Variants in ZNF292 observed in about 807,000 individuals in gnomAD.
ZNF292 encodes zinc finger protein 292, also known as 16 zinc-finger domain protein.
ZNF292 carries 26 observed loss-of-function variants against 217.9 expected under a neutral mutation model. The observed-to-expected ratio is 0.12, with a 90% CI of 0.09 to 0.17. The LOEUF is 0.17. ZNF292 is among the 10% of genes least tolerant of loss of function. ZNF292 has a pLI of 1.00. For missense variants in ZNF292, 2,904 were observed against 3,175.2 expected (o/e 0.91, Z 2.05); for synonymous variants, 1,257 against 1,124.1 (o/e 1.12, Z -2.37).
chr6:87,248,843 A>G (rs1289921031), intron 7 of ZNF292, among the ~76,000 whole-genome samples: 1 of 152,200 alleles, frequency 6.6e-6, no homozygotes, highest in Non-Finnish European at 1.5e-5. Context: ...CACCACTCAT[A>G]AAGAGACCAT....
chr6:87,221,053 C>T (rs1368011096), intron 4 of ZNF292, among the ~76,000 whole-genome samples: 1 of 152,144 alleles, frequency 6.6e-6, no homozygotes, highest in African/African-American at 2.4e-5. Flanking sequence ...AGTATTTGAA[C>T]AGTGACTAAT....
At chr6:87,222,847 C>G (rs1269312825) in intron 4 of ZNF292, 2 of 452,680 alleles carry the variant, frequency 4.4e-6, no homozygotes, top group Non-Finnish European at 8.9e-6. Context: ...GTTTTTCAGA[C>G]TTTCCTTGTT....
chr6:87,206,697 A>G (rs146236056), intron 1 of ZNF292, among the ~76,000 whole-genome samples: 83 of 152,326 alleles, frequency 5.4e-4, no homozygotes, highest in Non-Finnish European at 9.7e-4. Context: ...TTTTAAATGC[A>G]GCCAGTTTTG....
chr6:87,157,192 CTG>C (rs1419320238), intron 1 of ZNF292, among the ~76,000 whole-genome samples: 1 of 152,008 alleles, frequency 6.6e-6, no homozygotes, highest in Non-Finnish European at 1.5e-5. Context: ...AAAACAAAAA[CTG>C]TGAGATCAAG....
chr6:87,226,672 TATAGATATATAGA>T (rs1373718216), intron 4 of ZNF292, among the ~76,000 whole-genome samples: 4 of 108,606 alleles, frequency 3.7e-5, no homozygotes, highest in African/African-American at 1.5e-4. Flanking sequence ...TATATAGATA[TATAGATATATAGA>T]TTTTTTTTTT....
In ZNF292 at chr6:87,257,950, A is replaced by G. The variant is rs1484693655; in HGVS notation, c.4321A>G (p.Thr1441Ala). Reference protein sequence around the residue: ...AVNLQQPQQSTFNPEACFKDP... With the variant: ...AVNLQQPQQSAFNPEACFKDP... ...AAATTTGCAGCAGCCACAACAATCT[A>G]CCTTCAATCCAGAAGCATGTTTTAA... is the stretch of plus-strand genomic sequence containing the variant. The change falls in exon 8 of 8, where the codon ACC becomes GCC. Residue 1441 changes from threonine (T) to alanine (A), a missense_variant. Thr to Ala is a moderately conservative substitution (Grantham distance 58, BLOSUM62 0). Transcript: ENST00000369577. The G allele has an allele frequency of 8.1e-6, 13 of 1,613,776 alleles. 1 individual carries two copies. Among genetic ancestry groups the G allele is most frequent in the South Asian group, 6.6e-5 (6 of 91,090 alleles).
chr6:87,258,746 T>C lies in ZNF292; in HGVS notation c.5117T>C (p.Phe1706Ser), dbSNP rs1301918381. ...QLFMTDVKEN[F>S]KTSLESHTVL... ...TTTATGACTGATGTAAAAGAGAATT[T>C]CAAAACCAGTCTTGAGTCCCATACA... Residue 1706 changes from phenylalanine to serine, a missense_variant, in exon 8 of 8, where the codon TTC (phenylalanine) becomes TCC (serine). This residue lies in a region of ZNF292 where 622 missense variants were observed against 573.1 expected (regional missense o/e 1.09). Coordinates refer to ENST00000369577, the MANE Select transcript of ZNF292 (RefSeq NM_015021.3). 23 of 1,613,340 alleles carry C rather than the reference T, an allele frequency of 1.4e-5. No individual in the cohort carries two copies. Among genetic ancestry groups the C allele is most frequent in the Non-Finnish European group, 1.9e-5 (22 of 1,179,690 alleles).
At chr6:87,219,276 A>G (rs1772953952) in intron 4 of ZNF292, among the ~76,000 whole-genome samples, 1 of 152,170 alleles carries the variant, frequency 6.6e-6, no homozygotes, top group East Asian at 1.9e-4. Flanking sequence ...TAAAATTTAT[A>G]TAGACCCTGA....
At chr6:87,176,036 A>C (rs1449478536) in intron 1 of ZNF292, among the ~76,000 whole-genome samples, 1 of 152,236 alleles carries the variant, frequency 6.6e-6, no homozygotes, top group Non-Finnish European at 1.5e-5. Flanking sequence ...TATATTAAAG[A>C]GGACTAGATC....
Position 87,259,523 on chromosome 6 carries a change from G to A in ZNF292, c.5894G>A (p.Arg1965Gln), listed in dbSNP as rs1775438720. Reference protein sequence around the residue: ...TKTFTRNSNLRAHCQLVHHFT... With the variant: ...TKTFTRNSNLQAHCQLVHHFT... ...ACATTTACAAGAAATTCTAACCTCCGGGCACACTGTCAGTTGGTGCATCAT... is the reference window on the plus strand; with the variant it reads ...ACATTTACAAGAAATTCTAACCTCCAGGCACACTGTCAGTTGGTGCATCAT... Residue 1965 changes from arginine to glutamine, a missense_variant, in exon 8 of 8, where the codon CGG becomes CAG. Around this residue, in one of 15 missense-constraint regions of ZNF292, gnomAD observed 50 missense variants for 90.5 expected, o/e 0.55. Coordinates refer to ENST00000369577, the MANE Select transcript of ZNF292 (RefSeq NM_015021.3). The A allele has an allele frequency of 5.7e-6, 9 of 1,587,050 alleles. No homozygotes were observed. The highest frequency in any genetic ancestry group is 7.7e-6 in the Non-Finnish European group (9 of 1,165,516).
At chr6:87,252,041 G>A (rs1774944745) in intron 7 of ZNF292, among the ~76,000 whole-genome samples, 1 of 152,058 alleles carries the variant, frequency 6.6e-6, no homozygotes, top group Admixed American at 6.5e-5. Context: ...CTGGAGAAAA[G>A]GCTCAATATT....
chr6:87,216,072 G>T lies in ZNF292; in HGVS notation c.323+15G>T. The T allele has an allele frequency of 2.2e-5, 34 of 1,531,556 alleles. No homozygotes were observed. The highest frequency in any genetic ancestry group is 2.9e-5 in the Non-Finnish European group (33 of 1,144,270). The allele number at this position is 1,531,556 out of a possible 1,614,324, so 94.9% of individuals were successfully genotyped here. On this transcript the variant is annotated intron_variant, in intron 2 of 7. Transcript: ENST00000369577. ...CGCTTGGCATTGTGAGTAGACCTTTGAGTAAATAAACTAGATTTAGCTTTA... is the reference window on the plus strand; with the variant it reads ...CGCTTGGCATTGTGAGTAGACCTTTTAGTAAATAAACTAGATTTAGCTTTA...
At chr6:87,250,934 GA>G (rs1335922788) in intron 7 of ZNF292, among the ~76,000 whole-genome samples, 1 of 152,166 alleles carries the variant, frequency 6.6e-6, no homozygotes, top group African/African-American at 2.4e-5. Context: ...GTGGAATCTT[GA>G]ATATCCAGTG....
chr6:87,259,991 G>T lies in ZNF292; in HGVS notation c.6362G>T (p.Cys2121Phe), dbSNP rs202118087. The change falls in exon 8 of 8, where the codon TGC (cysteine) becomes TTC (phenylalanine). Residue 2121 changes from cysteine (C) to phenylalanine (F), a missense_variant. This residue lies in a region of ZNF292 where 261 missense variants were observed against 272.8 expected (regional missense o/e 0.96). Coordinates refer to ENST00000369577, the MANE Select transcript of ZNF292 (RefSeq NM_015021.3). ...CCTTATCGATGTGTTCACCAGGGAT[G>T]CTTTGCTGCCTTTACGATACAGCAA... ...YRPYRCVHQGCFAAFTIQQNL... is the reference protein window; with the variant it reads ...YRPYRCVHQGFFAAFTIQQNL... The T allele has an allele frequency of 6.2e-7, 1 of 1,613,592 alleles. No individual in the cohort carries two copies. The highest frequency in any genetic ancestry group is 1.7e-5 in the Admixed American group (1 of 59,968).
Position 87,257,866 on chromosome 6 carries a change from C to A in ZNF292, c.4237C>A (p.Leu1413Ile), listed in dbSNP as rs200908062. 6 of 1,613,768 alleles carry A rather than the reference C, an allele frequency of 3.7e-6. No homozygotes were observed. The highest frequency in any genetic ancestry group is 1.7e-5 in the Admixed American group (1 of 59,978). The stretch of plus-strand genomic sequence containing the variant: ...TGGAGCCGAAATTGCTCAAGAACTT[C>A]TACAGAGTAATGGACAGCCTTCTCT... ...LDGAEIAQEL[L>I]QSNGQPSLLA... Residue 1413 changes from leucine (L) to isoleucine (I), a missense_variant, in exon 8 of 8, where the codon CTA (leucine) becomes ATA (isoleucine). Physicochemically the swap from Leu to Ile is conservative, Grantham distance 5. This residue lies in a region of ZNF292 where 622 missense variants were observed against 573.1 expected (regional missense o/e 1.09). Coordinates refer to ENST00000369577, the MANE Select transcript of ZNF292 (RefSeq NM_015021.3).
chr6:87,211,221 T>TTA (rs1282514595), intron 1 of ZNF292, among the ~76,000 whole-genome samples: 2 of 152,184 alleles, frequency 1.3e-5, no homozygotes, highest in Admixed American at 1.3e-4. Flanking sequence ...TGTTTTTGGT[T>TTA]TACTCTAATG....
At position 87,182,873 on chromosome 6, in the gene ZNF292, A is replaced by G. The variant is rs536688732; in HGVS notation, c.168+27114A>G. On this transcript the variant is annotated intron_variant, in intron 1 of 7. Transcript: ENST00000369577. Reference sequence around the variant, plus strand: ...CCAGAATCTTTTTGAGAGATTTTCTACTTCCTGGTCCTACTGCTTTAACTT... The same window carrying G: ...CCAGAATCTTTTTGAGAGATTTTCTGCTTCCTGGTCCTACTGCTTTAACTT... 3.9e-5 allele frequency among the ~76,000 whole-genome samples: 6 copies of G among 152,306 alleles called. No homozygotes were observed. The East Asian group carries it at 5.8e-4, about 15-fold the overall frequency.
chr6:87,262,273 A>G lies in ZNF292; in HGVS notation c.*472A>G, dbSNP rs1219895357. 6.6e-6 allele frequency: 1 copy of G among 152,140 alleles called. No individual in the cohort carries two copies. The highest frequency in any genetic ancestry group is 1.5e-5 in the Non-Finnish European group (1 of 67,980). The allele number at this position is 152,140 out of a possible 1,614,324, so 9.4% of individuals were successfully genotyped here. On this transcript the variant is annotated 3_prime_UTR_variant, in exon 8 of 8. Transcript: ENST00000369577. The stretch of plus-strand genomic sequence containing the variant: ...TTTAACTAAGCGATCAAGTTTTTTA[A>G]ATTGTTCTTTTATTGTTTTAAATTA...
chr6:87,248,583 AAAAC>A (rs1774731537), intron 7 of ZNF292, among the ~76,000 whole-genome samples: 1 of 152,216 alleles, frequency 6.6e-6, no homozygotes, highest in Non-Finnish European at 1.5e-5. Context: ...TCTCCAAAAC[AAAAC>A]AAACAAAAAC....
Sources: gnomAD v4.1 joint callset for allele counts (sites outside exome capture counted in the v4.1 genomes callset) on GRCh38, gnomAD v4.1.1 for gene constraint, gnomAD v4.1.1 regional missense constraint, MANE v1.5 for transcripts, NCBI Gene and HGNC (gene_info 2026-07-23, HGNC 2026-07-21) for gene names.